PTPRD: variants seen among roughly 807,000 people sequenced by gnomAD.
PTPRD encodes protein tyrosine phosphatase receptor type D.
In PTPRD, 34 loss-of-function variants were observed where a neutral mutation model predicts 214.5. The ratio of observed to expected loss-of-function variants is 0.16; its 90% CI spans 0.12 to 0.21. The LOEUF is 0.21. Ranked by LOEUF, PTPRD falls within the 10% of genes least tolerant of loss-of-function variation. The probability of loss-of-function intolerance (pLI) is 1.00; values close to 1 mark genes in which losing one functional copy is unlikely to be tolerated. For synonymous variants in PTPRD, 1,128 were observed against 845.7 expected, an observed-to-expected ratio of 1.33 and a Z score of -5.79; for missense variants, 2,545 against 2,398.7, an observed-to-expected ratio of 1.06 and a Z score of -1.27.
intron 5 of PTPRD, among the ~76,000 whole-genome samples, chr9:9,869,294 T>C (rs1287994099): frequency 2.0e-5 from 3 of 152,152 alleles, no homozygotes; most frequent in African/African-American, 7.2e-5. Flanking sequence ...AGAAGAAATG[T>C]TGCATTTAGA....
chr9:9,599,557 G>C (rs963032213), intron 7 of PTPRD, among the ~76,000 whole-genome samples: 2 of 151,860 alleles, frequency 1.3e-5, no homozygotes, highest in Non-Finnish European at 2.9e-5. Flanking sequence ...CTATTCTTCA[G>C]GTATCTTAAT....
chr9:9,943,617 G>A (rs2092023461), intron 4 of PTPRD, among the ~76,000 whole-genome samples: 1 of 149,484 alleles, frequency 6.7e-6, no homozygotes, highest in African/African-American at 2.5e-5. Flanking sequence ...GTGGGTTTGT[G>A]GCTGTTAGAT....
chr9:9,036,765 C>T (rs2099623190), intron 10 of PTPRD, among the ~76,000 whole-genome samples: 1 of 151,976 alleles, frequency 6.6e-6, no homozygotes, highest in Admixed American at 6.6e-5. Flanking sequence ...CCTGTTTGTC[C>T]CCATTTCTTA....
chr9:10,229,809 A>G (rs951348925), intron 3 of PTPRD, among the ~76,000 whole-genome samples: 30 of 152,142 alleles, frequency 2.0e-4, no homozygotes, highest in African/African-American at 7.0e-4. Flanking sequence ...ATATGTAACA[A>G]ACCTGCACGT....
intron 11 of PTPRD, among the ~76,000 whole-genome samples, chr9:8,855,565 C>T (rs74408193): frequency 0.01 from 1,559 of 152,180 alleles, 16 homozygotes; most frequent in Non-Finnish European, 0.013. Flanking sequence ...GACAGTGTTC[C>T]TATTTGAATC....
chr9:8,316,910 G>GTA lies in PTPRD; in HGVS notation c.*962_*963dup, dbSNP rs1338020957. On this transcript the variant is annotated 3_prime_UTR_variant, in exon 46 of 46. Transcript: ENST00000381196. ...TGGAAGAACTGACTGACTGATAACT[G>GTA]TATCTATTTTTTGTGTGGACACACT... 21 of 230,118 alleles carry GTA rather than the reference G, an allele frequency of 9.1e-5. No homozygotes were observed. Among genetic ancestry groups the GTA allele is most frequent in the East Asian group, 6.1e-5 (1 of 16,304 alleles). 14.3% of individuals were successfully genotyped at this position (230,118 alleles called of 1,614,324 possible).
At chr9:10,305,608 G>A (rs1384973845) in intron 3 of PTPRD, among the ~76,000 whole-genome samples, 3 of 152,020 alleles carry the variant, frequency 2.0e-5, no homozygotes, top group Non-Finnish European at 2.9e-5. Context: ...AAAAGTGGGT[G>A]AAGGATATGA....
At chr9:10,188,835 A>C (rs57787227) in intron 3 of PTPRD, among the ~76,000 whole-genome samples, 2,210 of 152,268 alleles carry the variant, frequency 0.015, 53 homozygotes, top group African/African-American at 0.05. Context: ...CAATTGTATC[A>C]GTTATTTATG....
At chr9:8,387,627 G>A (rs1411921388) in intron 37 of PTPRD, among the ~76,000 whole-genome samples, 2 of 152,148 alleles carry the variant, frequency 1.3e-5, no homozygotes, top group East Asian at 1.9e-4. Flanking sequence ...AGGCAGTATG[G>A]CTTGATGGTG....
In PTPRD at chr9:9,363,914, T is replaced by C. The variant is rs115523260; in HGVS notation, c.-203+33535A>G. Among the ~76,000 whole-genome samples the C allele has an allele frequency of 2.4e-3, 366 of 151,552 alleles. 3 individuals carry two copies. Among genetic ancestry groups the C allele is most frequent in the African/African-American group, 8.1e-3 (335 of 41,450 alleles). ...TTTAAGCATTTTTCCATCTTATTAA[T>C]GAAATTATAAAAAAGTGTTCATCCT... is the stretch of plus-strand genomic sequence containing the variant. On this transcript the variant is annotated intron_variant, in intron 9 of 45. Coordinates refer to ENST00000381196, the MANE Select transcript of PTPRD (RefSeq NM_002839.4).
At chr9:10,531,183 C>T (rs1252364912) in intron 2 of PTPRD, among the ~76,000 whole-genome samples, 1 of 152,066 alleles carries the variant, frequency 6.6e-6, no homozygotes, top group Non-Finnish European at 1.5e-5. Context: ...CTCCTGACCT[C>T]AAGTGATCCG....
chr9:8,509,959 C>A (rs552774368), intron 21 of PTPRD, among the ~76,000 whole-genome samples: 1 of 151,970 alleles, frequency 6.6e-6, no homozygotes, highest in Non-Finnish European at 1.5e-5. Context: ...TGAAATGGTT[C>A]GGAGGTTAAC....
intron 2 of PTPRD, among the ~76,000 whole-genome samples, chr9:10,565,042 A>C (rs2131673343): frequency 6.6e-6 from 1 of 152,192 alleles, no homozygotes; most frequent in African/African-American, 2.4e-5. Context: ...GGAATTCCTA[A>C]TGTAGCATAT....
At chr9:8,729,739 C>T (rs953229449) in intron 12 of PTPRD, among the ~76,000 whole-genome samples, 1 of 152,200 alleles carries the variant, frequency 6.6e-6, no homozygotes, top group African/African-American at 2.4e-5. Flanking sequence ...TTTACCAAAT[C>T]ACAGCCAGAC....
intron 12 of PTPRD, 28 bp downstream of exon 12, chr9:8,733,752 C>A (rs776691364): frequency 4.5e-6 from 7 of 1,548,788 alleles, no homozygotes; most frequent in African/African-American, 2.7e-5. Flanking sequence ...ATGGTCACAG[C>A]CCCCTAGAGA....
intron 8 of PTPRD, among the ~76,000 whole-genome samples, chr9:9,433,521 T>C (rs914806013): frequency 6.6e-6 from 1 of 151,578 alleles, no homozygotes; most frequent in African/African-American, 2.4e-5. Flanking sequence ...TGTTTTGACT[T>C]TAGAAACTAA....
chr9:8,515,416 A>G (rs1426240390), intron 21 of PTPRD, among the ~76,000 whole-genome samples: 1 of 152,154 alleles, frequency 6.6e-6, no homozygotes, highest in Non-Finnish European at 1.5e-5. Context: ...TATCTAATCT[A>G]TACCCTGTTA....
intron 7 of PTPRD, among the ~76,000 whole-genome samples, chr9:9,709,451 A>C (rs1358718531): frequency 6.6e-6 from 1 of 152,040 alleles, no homozygotes; most frequent in Non-Finnish European, 1.5e-5. Context: ...CTCAGGTAGT[A>C]AACTATAGAC....
At chr9:10,180,550 C>G (rs2099276216) in intron 3 of PTPRD, among the ~76,000 whole-genome samples, 1 of 142,378 alleles carries the variant, frequency 7.0e-6, no homozygotes, top group Non-Finnish European at 1.5e-5. Context: ...TGAAAATTGC[C>G]TATTTTAAAT....
Sources: allele counts gnomAD v4.1 joint callset (sites outside exome capture counted in the v4.1 genomes callset), GRCh38; gene constraint gnomAD v4.1.1; transcripts MANE v1.5; gene names NCBI Gene and HGNC (gene_info 2026-07-23, HGNC 2026-07-21).